The following XYLT1 variants were observed in gnomAD, a reference collection of about 807,000 sequenced individuals.
XYLT1 encodes the protein xylosyltransferase 1, also known as beta-D-xylosyltransferase 1.
XYLT1 carries 36 observed loss-of-function variants against 91.3 expected under a neutral mutation model. That is an observed-to-expected ratio of 0.39 (90% CI 0.30 to 0.52). The LOEUF is 0.52. XYLT1 is among the 20% of genes least tolerant of loss of function. XYLT1 has a pLI of 0.68. For missense variants in XYLT1, 1,242 were observed against 1,284.5 expected, an observed-to-expected ratio of 0.97 and a Z score of 0.51; for synonymous variants, 588 against 532.0, an observed-to-expected ratio of 1.11 and a Z score of -1.45.
chr16:17,274,918 T>G (rs1391818898), intron 2 of XYLT1, among the ~76,000 whole-genome samples: 3 of 152,168 alleles, frequency 2.0e-5, no homozygotes, highest in African/African-American at 7.2e-5. Context: ...GGCTCACATC[T>G]GAAATCCCAG....
chr16:17,208,283 C>T (rs2032694308), intron 3 of XYLT1, among the ~76,000 whole-genome samples: 1 of 151,904 alleles, frequency 6.6e-6, no homozygotes, highest in African/African-American at 2.4e-5. Context: ...GTGCCTGGCC[C>T]CCATCCCTTC....
chr16:17,356,797 C>A (rs939735492), intron 2 of XYLT1, among the ~76,000 whole-genome samples: 12 of 152,128 alleles, frequency 7.9e-5, no homozygotes, highest in Non-Finnish European at 1.6e-4. Flanking sequence ...TCAGCCAAAC[C>A]CAAAGAGCTA....
chr16:17,195,137 T>C (rs1483557141), intron 5 of XYLT1, among the ~76,000 whole-genome samples: 1 of 152,132 alleles, frequency 6.6e-6, no homozygotes, highest in Non-Finnish European at 1.5e-5. Flanking sequence ...GAGACATCTG[T>C]GGTTGGCAAA....
At chr16:17,163,344 G>A (rs1404502543) in intron 5 of XYLT1, among the ~76,000 whole-genome samples, 1 of 152,210 alleles carries the variant, frequency 6.6e-6, no homozygotes, top group East Asian at 1.9e-4. Flanking sequence ...GAGTTCTCAG[G>A]TTCCCATAGC....
At chr16:17,438,759 T>A (rs546528605) in intron 1 of XYLT1, among the ~76,000 whole-genome samples, 1 of 151,930 alleles carries the variant, frequency 6.6e-6, no homozygotes, top group Non-Finnish European at 1.5e-5. Flanking sequence ...GGGGAGGTGC[T>A]ACACACTTCG....
intron 5 of XYLT1, among the ~76,000 whole-genome samples, chr16:17,167,691 G>A (rs528623605): frequency 2.7e-5 from 4 of 150,006 alleles, no homozygotes; most frequent in Admixed American, 1.3e-4. Context: ...CTTCCATCTC[G>A]TGAACGGATT....
intron 5 of XYLT1, among the ~76,000 whole-genome samples, chr16:17,170,465 C>G (rs567927965): frequency 6.6e-6 from 1 of 152,164 alleles, no homozygotes; most frequent in African/African-American, 2.4e-5. Context: ...CTGTAGCCCA[C>G]GGAAACTGCT....
chr16:17,352,075 G>C (rs2035229183), intron 2 of XYLT1, among the ~76,000 whole-genome samples: 1 of 152,076 alleles, frequency 6.6e-6, no homozygotes, highest in African/African-American at 2.4e-5. Flanking sequence ...AACCGAGATG[G>C]AGTCACTGCA....
chr16:17,266,585 T>G (rs977988751), intron 2 of XYLT1, among the ~76,000 whole-genome samples: 2 of 152,136 alleles, frequency 1.3e-5, no homozygotes, highest in African/African-American at 4.8e-5. Context: ...AATACCCCAC[T>G]GCCTCTCCGC....
At chr16:17,257,773 G>T (rs754448823) in intron 3 of XYLT1, among the ~76,000 whole-genome samples, 13 of 152,082 alleles carry the variant, frequency 8.5e-5, no homozygotes, top group Non-Finnish European at 1.6e-4. Context: ...GAAAAAAATT[G>T]GGCTCATGAC....
rs910874382 is a variant in XYLT1 at position 17,426,626 on chromosome 16, C to T, written c.363+43808G>A. ...CAAACTTTGACCAGTGAGTCAGATC[C>T]AGTCTACCACCTGTTTCTGTAAATA... On this transcript the variant is annotated intron_variant, in intron 1 of 11. Coordinates refer to ENST00000261381, the MANE Select transcript of XYLT1 (RefSeq NM_022166.4). Among the ~76,000 whole-genome samples the T allele has an allele frequency of 7.2e-5, 11 of 152,292 alleles. No homozygotes were observed. The South Asian group carries it at 8.3e-4, about 11-fold the overall frequency.
At chr16:17,432,767 T>C (rs1040397320) in intron 1 of XYLT1, among the ~76,000 whole-genome samples, 1 of 152,170 alleles carries the variant, frequency 6.6e-6, no homozygotes, top group Non-Finnish European at 1.5e-5. Flanking sequence ...ATAGAGATCC[T>C]GTAGACTGCA....
At chr16:17,376,117 C>A (rs2141878837) in intron 1 of XYLT1, among the ~76,000 whole-genome samples, 1 of 152,368 alleles carries the variant, frequency 6.6e-6, no homozygotes, top group East Asian at 1.9e-4. Context: ...TCCCACTGTG[C>A]TTTCACGACC....
intron 2 of XYLT1, among the ~76,000 whole-genome samples, chr16:17,337,177 C>G (rs2034992545): frequency 6.6e-6 from 1 of 152,072 alleles, no homozygotes; most frequent in Non-Finnish European, 1.5e-5. Flanking sequence ...AAGGTGGTAA[C>G]ACTGACTTCC....
intron 2 of XYLT1, among the ~76,000 whole-genome samples, chr16:17,328,751 C>T (rs912779274): frequency 1.3e-5 from 2 of 152,038 alleles, no homozygotes; most frequent in Non-Finnish European, 2.9e-5. Context: ...AAACCTAGTG[C>T]TTGAAATGAT....
intron 1 of XYLT1, among the ~76,000 whole-genome samples, chr16:17,442,535 G>T (rs1211444261): frequency 6.6e-6 from 1 of 152,166 alleles, no homozygotes; most frequent in Non-Finnish European, 1.5e-5. Flanking sequence ...ACATATTTAA[G>T]TTGAGGAGCC....
intron 9 of XYLT1, among the ~76,000 whole-genome samples, chr16:17,132,199 G>A (rs2030508872): frequency 6.6e-6 from 1 of 152,190 alleles, no homozygotes; most frequent in African/African-American, 2.4e-5. Context: ...CAGGGATTCT[G>A]CTTCCAGACT....
chr16:17,231,116 G>A (rs565974964), intron 3 of XYLT1, among the ~76,000 whole-genome samples: 1 of 152,338 alleles, frequency 6.6e-6, no homozygotes, highest in East Asian at 1.9e-4. Context: ...ATTGCTTCTT[G>A]GAGATTTCCA....
rs146253584 is a variant in XYLT1 at position 17,239,247 on chromosome 16, A to G, written c.913+19741T>C. On this transcript the variant is annotated intron_variant, in intron 3 of 11. Coordinates refer to ENST00000261381, the MANE Select transcript of XYLT1 (RefSeq NM_022166.4). ...ATCCATCCATCCATTCATCTCATTC[A>G]TCCATCCACTCACCCACCCAGTCCA... Among the ~76,000 whole-genome samples the G allele has an allele frequency of 4.4e-3, 662 of 151,240 alleles. 7 individuals are homozygous for G. The highest frequency in any genetic ancestry group is 0.028 in the Middle Eastern group (8 of 288).
Sources: allele counts gnomAD v4.1 joint callset (sites outside exome capture counted in the v4.1 genomes callset), GRCh38; gene constraint gnomAD v4.1.1; transcripts MANE v1.5; gene names NCBI Gene and HGNC (gene_info 2026-07-23, HGNC 2026-07-21).